RFX3: variants seen among roughly 807,000 people sequenced by gnomAD.
RFX3 encodes transcription factor RFX3.
Under a neutral mutation model 98.6 loss-of-function variants are expected in RFX3, and 14 were observed. That is an observed-to-expected ratio of 0.14 (90% CI 0.09 to 0.22). The LOEUF is 0.22. RFX3 is among the 10% of genes least tolerant of loss of function. RFX3 has a pLI of 1.00. For synonymous variants in RFX3, 383 were observed against 328.4 expected (o/e 1.17, Z -1.80); for missense variants, 639 against 926.9 (o/e 0.69, Z 4.03).
chr9:3,423,043 TTTAGTCC>T (rs1195203884), intron 1 of RFX3, among the ~76,000 whole-genome samples: 1 of 152,214 alleles, frequency 6.6e-6, no homozygotes, highest in Non-Finnish European at 1.5e-5. Flanking sequence ...TATCCTACTG[TTTAGTCC>T]GACTAAATGC....
chr9:3,245,989 C>A (rs1308411293), intron 15 of RFX3, among the ~76,000 whole-genome samples: 1 of 151,962 alleles, frequency 6.6e-6, no homozygotes, highest in Non-Finnish European at 1.5e-5. Context: ...CTCCTTTTCC[C>A]CAAATCAAGA....
intron 2 of RFX3, among the ~76,000 whole-genome samples, chr9:3,351,371 G>C (rs2131246133): frequency 6.6e-6 from 1 of 151,608 alleles, no homozygotes; most frequent in South Asian, 2.1e-4. Flanking sequence ...AAAATGAATA[G>C]GATAAAATAA....
chr9:3,466,512 G>T (rs1848236657), intron 1 of RFX3, among the ~76,000 whole-genome samples: 1 of 152,156 alleles, frequency 6.6e-6, no homozygotes, highest in African/African-American at 2.4e-5. Context: ...ATTAGTATAG[G>T]TTGGCACAAA....
At position 3,503,408 on chromosome 9, in the gene RFX3, ATATTT is replaced by A. The variant is rs1365774640; in HGVS notation, c.-9+22334_-9+22338del. On this transcript the variant is annotated intron_variant, in intron 1 of 16. Transcript: ENST00000617270. ...TATACACATTTATGTTATATTTATT[ATATTT>A]TATTTTGTACCATTTTTTAAGTAGT... Among the ~76,000 whole-genome samples the A allele has an allele frequency of 9.9e-5, 15 of 152,212 alleles. No individual in the cohort carries two copies. In the East Asian group the frequency reaches 1.7e-3, roughly 18 times the overall value.
At chr9:3,408,543 C>G (rs1288982223) in intron 1 of RFX3, among the ~76,000 whole-genome samples, 1 of 151,960 alleles carries the variant, frequency 6.6e-6, no homozygotes, top group Non-Finnish European at 1.5e-5. Flanking sequence ...TTTTATTGTA[C>G]TACTTCACTA....
chr9:3,518,514 A>G (rs547867717), intron 1 of RFX3, among the ~76,000 whole-genome samples: 4 of 152,198 alleles, frequency 2.6e-5, no homozygotes, highest in Non-Finnish European at 5.9e-5. Flanking sequence ...CAAAAAAGAA[A>G]AGACATATAG....
At chr9:3,431,601 G>A (rs528969260) in intron 1 of RFX3, among the ~76,000 whole-genome samples, 25 of 152,208 alleles carry the variant, frequency 1.6e-4, no homozygotes, top group Non-Finnish European at 1.5e-5. Context: ...TATAAGAAAA[G>A]CATACCTATA....
chr9:3,344,918 T>C (rs906770373), intron 3 of RFX3: 3 of 690,908 alleles, frequency 4.3e-6, no homozygotes, highest in African/African-American at 3.6e-5. Flanking sequence ...ACATTCACAG[T>C]GTGTCTAAAA....
At chr9:3,505,272 ATG>A (rs1816880283) in intron 1 of RFX3, among the ~76,000 whole-genome samples, 6 of 74,852 alleles carry the variant, frequency 8.0e-5, no homozygotes, top group African/African-American at 4.4e-4. Context: ...TTATATATAT[ATG>A]AATATATACA....
At chr9:3,418,482 CAATT>C (rs748756939) in intron 1 of RFX3, among the ~76,000 whole-genome samples, 14 of 152,052 alleles carry the variant, frequency 9.2e-5, no homozygotes, top group Non-Finnish European at 4.4e-5. Context: ...TGGGTTCAAG[CAATT>C]CTCCTACCTC....
intron 1 of RFX3, among the ~76,000 whole-genome samples, chr9:3,482,897 G>A (rs1849915884): frequency 6.6e-6 from 1 of 152,026 alleles, no homozygotes; most frequent in African/African-American, 2.4e-5. Flanking sequence ...GTCCACTTGG[G>A]AGCTTATTAA....
At chr9:3,500,128 G>C (rs1815814875) in intron 1 of RFX3, among the ~76,000 whole-genome samples, 1 of 152,072 alleles carries the variant, frequency 6.6e-6, no homozygotes, top group Non-Finnish European at 1.5e-5. Flanking sequence ...AAAAAAGAAA[G>C]GCCAAGAAAT....
At chr9:3,391,158 T>C (rs1427004115) in intron 2 of RFX3, among the ~76,000 whole-genome samples, 3 of 152,160 alleles carry the variant, frequency 2.0e-5, no homozygotes, top group East Asian at 1.9e-4. Flanking sequence ...CATTTTACTA[T>C]AGTTTGCAAA....
At position 3,228,925 on chromosome 9, in the gene RFX3, T is replaced by C. The variant is rs543780021; in HGVS notation, c.1969-36A>G. 1.5e-5 allele frequency: 24 copies of C among 1,569,510 alleles called. No individual in the cohort carries two copies. In the African/African-American group the frequency reaches 2.0e-4, roughly 13 times the overall value. ...ATAGTCATTTGTGCAATAGTTAATA[T>C]AGGGCAGAATAAAATAATACTCTAT... On this transcript the variant is annotated intron_variant, in intron 15 of 16. Transcript: ENST00000617270.
At chr9:3,433,305 C>G (rs147821471) in intron 1 of RFX3, among the ~76,000 whole-genome samples, 189 of 152,224 alleles carry the variant, frequency 1.2e-3, no homozygotes, top group African/African-American at 4.0e-3. Context: ...CCCTACTCTT[C>G]CTCCTTCTCA....
At chr9:3,437,731 C>G (rs184789283) in intron 1 of RFX3, among the ~76,000 whole-genome samples, 2 of 152,136 alleles carry the variant, frequency 1.3e-5, no homozygotes, top group East Asian at 3.9e-4. Context: ...GTAACCACTG[C>G]AGTATTCAAG....
At chr9:3,343,814 A>G (rs1834152830) in intron 3 of RFX3, among the ~76,000 whole-genome samples, 1 of 152,204 alleles carries the variant, frequency 6.6e-6, no homozygotes, top group African/African-American at 2.4e-5. Flanking sequence ...TGAGGATACA[A>G]TTTGAGTCCA....
chr9:3,459,187 T>G (rs1157525743), intron 1 of RFX3, among the ~76,000 whole-genome samples: 4 of 152,162 alleles, frequency 2.6e-5, no homozygotes, highest in African/African-American at 9.7e-5. Flanking sequence ...ACAAACAGAC[T>G]TTCTATAGAA....
chr9:3,309,776 T>A (rs185655857), intron 4 of RFX3, among the ~76,000 whole-genome samples: 18 of 152,326 alleles, frequency 1.2e-4, no homozygotes, highest in Admixed American at 1.2e-3. Context: ...AGGGAATGCA[T>A]TTTCCCTATT....
Sources: allele counts gnomAD v4.1 joint callset (sites outside exome capture counted in the v4.1 genomes callset), GRCh38; gene constraint gnomAD v4.1.1; transcripts MANE v1.5; gene names NCBI Gene and HGNC (gene_info 2026-07-23, HGNC 2026-07-21).